The following TYK2 variants were observed in gnomAD, a reference collection of about 807,000 sequenced individuals.
TYK2 encodes non-receptor tyrosine-protein kinase TYK2.
In TYK2, 65 loss-of-function variants were observed where a neutral mutation model predicts 130.9. That is an observed-to-expected ratio of 0.50 (90% CI 0.41 to 0.61). The LOEUF (loss-of-function observed/expected upper bound fraction) is 0.61. Among genes scored for constraint, TYK2 ranks in the 20% least tolerant of loss-of-function variants. The pLI is 0.00. For missense variants in TYK2, 1,378 were observed against 1,610.7 expected (o/e 0.86, Z 2.47); for synonymous variants, 647 against 658.9 (o/e 0.98, Z 0.28).
rs567828853 is a variant in TYK2, at chr19:10,364,901, C to G, written c.1159G>C (p.Val387Leu). ...ATGCTGACACAGTGCTCTTTCAGCA[C>G]CACGTGGGTGATGTCCCGGAAGTCA... ...FCDFRDITHV[V>L]LKEHCVSIHR... Residue 387 changes from valine (V) to leucine (L), a missense_variant, in exon 8 of 25, where the codon GTG becomes CTG. Transcript: ENST00000525621. This position sits in a 1 kb window ranked among gnomAD's most constrained non-coding sequence, Gnocchi z 4.9. 216 of 1,614,220 alleles carry G rather than the reference C, an allele frequency of 1.3e-4. No individual in the cohort carries two copies. In the South Asian group the frequency reaches 2.3e-3, roughly 17 times the overall value.
chr19:10,355,337 C>G (rs905102987), intron 18 of TYK2, among the ~76,000 whole-genome samples: 1 of 152,042 alleles, frequency 6.6e-6, no homozygotes, highest in African/African-American at 2.4e-5. Context: ...TGTGATATGA[C>G]CAGTTGAAAA....
At chr19:10,375,296 G>A (rs755329907) in intron 3 of TYK2, among the ~76,000 whole-genome samples, 31 of 152,126 alleles carry the variant, frequency 2.0e-4, no homozygotes, top group Non-Finnish European at 4.6e-4. Flanking sequence ...TCTGGAGGAA[G>A]GTATATGTAA....
chr19:10,379,139 G>A (rs1442936855), intron 2 of TYK2, among the ~76,000 whole-genome samples: 2 of 151,860 alleles, frequency 1.3e-5, no homozygotes, highest in African/African-American at 2.4e-5. Context: ...GATTACAGGC[G>A]TGAGCCACTG....
chr19:10,368,495 T>C (rs754113764), intron 3 of TYK2, 77 bp from the exon 4 acceptor site: 1 of 1,606,120 alleles, frequency 6.2e-7, no homozygotes, highest in South Asian at 1.1e-5. Context: ...AGACCCAATG[T>C]CTGCCTTCAC....
intron 3 of TYK2, among the ~76,000 whole-genome samples, 156 bp downstream of exon 3, chr19:10,378,058 G>A (rs2042233956): frequency 8.3e-6 from 1 of 120,880 alleles, no homozygotes; most frequent in African/African-American, 3.1e-5. Context: ...GGTTGGGAGG[G>A]TGGATGGGTG....
Position 10,366,495 on chromosome 19 carries a change from A to C in TYK2, c.551T>G (p.Leu184Arg). Reference protein sequence around the residue: ...EEIHHFKNESLGMAFLHLCHL... With the variant: ...EEIHHFKNESRGMAFLHLCHL... Reference sequence around the variant, plus strand: ...ACAGAGGTGCAGAAAGGCCATGCCCAGGCTCTCATTCTTAAAGTGGTGGAT... The same window carrying C: ...ACAGAGGTGCAGAAAGGCCATGCCCCGGCTCTCATTCTTAAAGTGGTGGAT... The change falls in exon 6 of 25, where the codon CTG becomes CGG. Residue 184 changes from leucine to arginine, a missense_variant. Physicochemically the swap from Leu to Arg is moderately radical, Grantham distance 102 (BLOSUM62 -2). Coordinates refer to ENST00000525621, the MANE Select transcript of TYK2 (RefSeq NM_003331.5). The C allele has an allele frequency of 6.2e-7, 1 of 1,614,112 alleles. No homozygotes were observed. Among genetic ancestry groups the C allele is most frequent in the Admixed American group, 1.7e-5 (1 of 59,986 alleles).
In TYK2 at chr19:10,364,145, G is replaced by A. The variant is rs758639608; in HGVS notation, c.1367+469C>T. 1.3e-5 allele frequency among the ~76,000 whole-genome samples: 2 copies of A among 152,192 alleles called. No individual in the cohort carries two copies. Among genetic ancestry groups the A allele is most frequent in the Non-Finnish European group, 2.9e-5 (2 of 68,044 alleles). ...GGAAGCATCCAACATACGCCTGAAT[G>A]GTCACCAGCGTCAGGGTAACACACA... On this transcript the variant is annotated intron_variant, in intron 9 of 24. Coordinates refer to ENST00000525621, the MANE Select transcript of TYK2 (RefSeq NM_003331.5). This position sits in a 1 kb window ranked among gnomAD's most constrained non-coding sequence, Gnocchi z 4.9.
chr19:10,351,526 C>T (rs12720333), intron 23 of TYK2: 4 of 321,436 alleles, frequency 1.2e-5, no homozygotes, highest in East Asian at 8.0e-5. Context: ...TTCATGAAAT[C>T]GACTGCATGG....
rs1370475537 is a variant in TYK2 at position 10,352,565 on chromosome 19, G to A, written c.3201-14C>T. 1 of 1,351,006 alleles carries A rather than the reference G, an allele frequency of 7.4e-7. No homozygotes were observed. The highest frequency in any genetic ancestry group is 1.4e-5 in the African/African-American group (1 of 69,122). The allele number at this position is 1,351,006 out of a possible 1,614,324, so 83.7% of individuals were successfully genotyped here. ...TCTGGGGCATACCTAGGGGGAGGGGGGCACTCAGGCCACGGGGGGCTGCAC... is the reference window on the plus strand; with the variant it reads ...TCTGGGGCATACCTAGGGGGAGGGGAGCACTCAGGCCACGGGGGGCTGCAC... On this transcript the variant is annotated splice_polypyrimidine_tract_variant and intron_variant, in intron 22 of 24. Coordinates refer to ENST00000525621, the MANE Select transcript of TYK2 (RefSeq NM_003331.5).
chr19:10,379,451 T>C (rs1202334332), intron 2 of TYK2, among the ~76,000 whole-genome samples, 164 bp downstream of exon 2: 1 of 150,752 alleles, frequency 6.6e-6, no homozygotes, highest in Non-Finnish European at 1.5e-5. Context: ...TCACGAGGTC[T>C]GGAGATTGAG....
chr19:10,353,988 C>T lies in TYK2; in HGVS notation c.2908+54G>A, dbSNP rs2040949041. On this transcript the variant is annotated intron_variant, in intron 20 of 24. Transcript: ENST00000525621. This position sits in a 1 kb window ranked among gnomAD's most constrained non-coding sequence, Gnocchi z 6.9. ...ACTGGCCCCGCCCACAAGGCCACAC[C>T]CACGCTCTAACCACGCCCCCTCAAG... The T allele has an allele frequency of 2.5e-6, 4 of 1,581,462 alleles. No homozygotes were observed. Among genetic ancestry groups the T allele is most frequent in the Non-Finnish European group, 1.7e-6 (2 of 1,153,282 alleles).
intron 3 of TYK2, chr19:10,368,807 G>C (rs1398279510): frequency 9.2e-6 from 2 of 216,452 alleles, no homozygotes; most frequent in African/African-American, 2.3e-5. Flanking sequence ...TTGATTTTAA[G>C]TAAAACTTTT....
intron 3 of TYK2, among the ~76,000 whole-genome samples, chr19:10,375,127 C>T (rs1018535401): frequency 2.0e-5 from 3 of 151,440 alleles, no homozygotes; most frequent in African/African-American, 7.3e-5. Flanking sequence ...CATGATTGCA[C>T]CACTGCATTT....
intron 3 of TYK2, 51 bp downstream of exon 3, chr19:10,378,163 G>A: frequency 6.3e-7 from 1 of 1,588,944 alleles, no homozygotes; most frequent in Non-Finnish European, 8.6e-7. Context: ...GGGCCCAGCT[G>A]CTGCTTGCAC....
intron 22 of TYK2, 91 bp downstream of exon 22, chr19:10,352,835 T>C: frequency 6.9e-7 from 1 of 1,454,582 alleles, no homozygotes; most frequent in Admixed American, 2.1e-5. Context: ...ACTGGGATCA[T>C]GCCCTATCAT....
chr19:10,367,966 G>C, intron 5 of TYK2, 89 bp downstream of exon 5: 2 of 1,449,682 alleles, frequency 1.4e-6, no homozygotes, highest in Non-Finnish European at 1.9e-6. Flanking sequence ...AAACCTATTA[G>C]CTATATTGAA....
Position 10,364,724 on chromosome 19 carries a change from C to G in TYK2, c.1257G>C (p.Leu419=). 6.2e-7 allele frequency: 1 copy of G among 1,613,850 alleles called. No individual in the cohort carries two copies. Among genetic ancestry groups the G allele is most frequent in the Non-Finnish European group, 8.5e-7 (1 of 1,180,002 alleles). ...CCGTCAGGCGGAAATAGCCGTCCACCAGCGACACGAAGGACAGCGCCGCAG... is the reference window on the plus strand; with the variant it reads ...CCGTCAGGCGGAAATAGCCGTCCACGAGCGACACGAAGGACAGCGCCGCAG... ...SRAAALSFVS[L]VDGYFRLTAD... The change falls in exon 9 of 25, where the codon CTG becomes CTC. Residue 419 remains leucine, a synonymous_variant. Transcript: ENST00000525621. The surrounding 1 kb of genome is among the most constrained non-coding windows in gnomAD (Gnocchi z 4.9).
rs781016462 is a variant in TYK2, at chr19:10,352,477, T to A, written c.3275A>T (p.Tyr1092Phe). ...SDVWSFGVTL[Y>F]ELLTHCDSSQ... Reference sequence around the variant, plus strand: ...GGAGTCACAGTGCGTCAGCAGCTCATACAGGGTCACCCCGAAGGACCAGAC... The same window carrying A: ...GGAGTCACAGTGCGTCAGCAGCTCAAACAGGGTCACCCCGAAGGACCAGAC... Residue 1092 changes from tyrosine to phenylalanine, a missense_variant, in exon 23 of 25, where the codon TAT becomes TTT. By Grantham distance (22) the Tyr-to-Phe change is conservative. Coordinates refer to ENST00000525621, the MANE Select transcript of TYK2 (RefSeq NM_003331.5). 2 of 1,609,802 alleles carry A rather than the reference T, an allele frequency of 1.2e-6. No homozygotes were observed. Among genetic ancestry groups the A allele is most frequent in the South Asian group, 2.2e-5 (2 of 90,686 alleles).
intron 23 of TYK2, among the ~76,000 whole-genome samples, chr19:10,351,950 G>A (rs1275875609): frequency 6.6e-6 from 1 of 151,568 alleles, no homozygotes; most frequent in African/African-American, 2.4e-5. Flanking sequence ...ATGTTGGCCA[G>A]GCTGGTCTCG....
Sources: gnomAD v4.1 joint callset for allele counts (sites outside exome capture counted in the v4.1 genomes callset) on GRCh38, gnomAD v4.1.1 for gene constraint, Gnocchi (gnomAD v3.1) non-coding constraint, MANE v1.5 for transcripts, NCBI Gene and HGNC (gene_info 2026-07-23, HGNC 2026-07-21) for gene names.